Variants in TENM4 observed in about 807,000 individuals in gnomAD.
TENM4 encodes the protein teneurin transmembrane protein 4.
TENM4 carries 82 observed loss-of-function variants against 243.3 expected under a neutral mutation model. The observed-to-expected ratio is 0.34, with a 90% CI of 0.28 to 0.40. TENM4 has a LOEUF of 0.40. TENM4 is among the 10% of genes least tolerant of loss of function. The pLI, the probability that TENM4 is intolerant of heterozygous loss-of-function variation, is 1.00. For missense variants in TENM4, 3,138 were observed against 3,673.3 expected, an observed-to-expected ratio of 0.85 and a Z score of 3.77; for synonymous variants, 1,412 against 1,456.3, an observed-to-expected ratio of 0.97 and a Z score of 0.69.
intron 15 of TENM4, among the ~76,000 whole-genome samples, chr11:78,798,802 C>G (rs951207707): frequency 6.6e-6 from 1 of 152,100 alleles, no homozygotes; most frequent in African/African-American, 2.4e-5. Flanking sequence ...CAGGGTCTGG[C>G]TCACAGATCT....
At chr11:78,877,396 A>G (rs11237644) in intron 9 of TENM4, among the ~76,000 whole-genome samples, 76,970 of 152,178 alleles carry the variant, frequency 0.51, 23,597 homozygotes, top group East Asian at 0.78. Flanking sequence ...ACTCAGTGCA[A>G]GAATAGCCAT....
At chr11:79,402,883 G>T (rs1858491040) in intron 1 of TENM4, among the ~76,000 whole-genome samples, 1 of 152,188 alleles carries the variant, frequency 6.6e-6, no homozygotes, top group East Asian at 1.9e-4. Flanking sequence ...GCTCATAGTA[G>T]GTACTCAATA....
chr11:79,184,576 C>G (rs1863349472), intron 3 of TENM4, among the ~76,000 whole-genome samples: 1 of 151,776 alleles, frequency 6.6e-6, no homozygotes, highest in Non-Finnish European at 1.5e-5. Context: ...GGTGGGAACT[C>G]CTAACCCAGG....
chr11:79,405,847 C>CAAAAA (rs763128589), intron 1 of TENM4, among the ~76,000 whole-genome samples: 14 of 69,226 alleles, frequency 2.0e-4, no homozygotes, highest in East Asian at 9.6e-4. Flanking sequence ...ATTGTGATTT[C>CAAAAA]AAAAAAAAAA....
chr11:79,257,074 G>A (rs1855713339), intron 2 of TENM4, among the ~76,000 whole-genome samples: 1 of 152,132 alleles, frequency 6.6e-6, no homozygotes, highest in African/African-American at 2.4e-5. Context: ...GAAGGCAGGA[G>A]CATTCCAGGC....
At chr11:78,691,662 A>T (rs75240665) in intron 28 of TENM4, among the ~76,000 whole-genome samples, 1,921 of 152,312 alleles carry the variant, frequency 0.013, 59 homozygotes, top group African/African-American at 0.045. Context: ...AATTACATTG[A>T]TCCTAAAGAA....
intron 1 of TENM4, among the ~76,000 whole-genome samples, chr11:79,298,117 C>T (rs968420896): frequency 6.6e-6 from 1 of 152,050 alleles, no homozygotes; most frequent in Non-Finnish European, 1.5e-5. Context: ...TCAGTTTCTC[C>T]AAGGCCTTTC....
At chr11:79,361,055 G>A (rs1048357306) in intron 1 of TENM4, among the ~76,000 whole-genome samples, 1 of 152,180 alleles carries the variant, frequency 6.6e-6, no homozygotes, top group Non-Finnish European at 1.5e-5. Context: ...GATGCTGGTA[G>A]CATTGGCCTT....
intron 7 of TENM4, among the ~76,000 whole-genome samples, chr11:78,902,081 G>A (rs911648946): frequency 6.6e-6 from 1 of 152,152 alleles, no homozygotes; most frequent in Non-Finnish European, 1.5e-5. Flanking sequence ...AAGAACAGGA[G>A]TTTGGGGAAA....
intron 1 of TENM4, among the ~76,000 whole-genome samples, chr11:79,354,876 A>T (rs1167239772): frequency 6.6e-6 from 1 of 152,228 alleles, no homozygotes; most frequent in Non-Finnish European, 1.5e-5. Context: ...TGAATAAAAT[A>T]ATATTCTATG....
At chr11:78,891,172 T>A in intron 8 of TENM4, 66 bp downstream of exon 8, 2 of 1,436,508 alleles carry the variant, frequency 1.4e-6, no homozygotes, top group Non-Finnish European at 1.9e-6. Flanking sequence ...GGTCTCAGGG[T>A]CTGCATGCAA....
intron 12 of TENM4, among the ~76,000 whole-genome samples, chr11:78,825,301 G>C (rs1187146734): frequency 1.3e-5 from 2 of 152,144 alleles, no homozygotes; most frequent in Non-Finnish European, 2.9e-5. Context: ...ACACAGTTGT[G>C]AAAAATAAAA....
intron 3 of TENM4, among the ~76,000 whole-genome samples, chr11:79,207,865 C>CAAAA (rs569705318): frequency 1.5e-5 from 1 of 66,662 alleles, no homozygotes; most frequent in African/African-American, 6.0e-5. Flanking sequence ...GACTCTGTCT[C>CAAAA]AAAAAAAAAA....
At chr11:78,805,611 A>G in intron 14 of TENM4, 119 bp from the exon 15 acceptor site, 3 of 1,220,082 alleles carry the variant, frequency 2.5e-6, no homozygotes, top group Non-Finnish European at 3.5e-6. Flanking sequence ...AGAAGGATGC[A>G]TAGGTCACTT....
chr11:78,867,060 G>C (rs1327481330), intron 9 of TENM4, among the ~76,000 whole-genome samples: 1 of 152,074 alleles, frequency 6.6e-6, no homozygotes, highest in African/African-American at 2.4e-5. Flanking sequence ...TGGAAAATGG[G>C]GTATCCATCC....
chr11:79,181,129 A>T (rs1419284777), intron 3 of TENM4, among the ~76,000 whole-genome samples: 1 of 152,110 alleles, frequency 6.6e-6, no homozygotes, highest in East Asian at 1.9e-4. Flanking sequence ...ACCAGCAAAG[A>T]CATTACAAGA....
chr11:79,183,566 T>C (rs1863325352), intron 3 of TENM4, among the ~76,000 whole-genome samples: 1 of 152,306 alleles, frequency 6.6e-6, no homozygotes, highest in Non-Finnish European at 1.5e-5. Flanking sequence ...TAATGATGTG[T>C]CAATGTAGGT....
chr11:78,778,544 A>G (rs981392644), intron 17 of TENM4, 58 bp downstream of exon 17: 19 of 1,543,104 alleles, frequency 1.2e-5, no homozygotes, highest in Non-Finnish European at 1.6e-5. Context: ...CTTCTTTTAT[A>G]CTCATACACA....
At chr11:79,255,184 T>A (rs1855679888) in intron 2 of TENM4, among the ~76,000 whole-genome samples, 1 of 152,218 alleles carries the variant, frequency 6.6e-6, no homozygotes. Flanking sequence ...TATTTTTCCA[T>A]CTCAAGTGTC....
Sources: gnomAD v4.1 joint callset for allele counts (sites outside exome capture counted in the v4.1 genomes callset) on GRCh38, gnomAD v4.1.1 for gene constraint, MANE v1.5 for transcripts, NCBI Gene and HGNC (gene_info 2026-07-23, HGNC 2026-07-21) for gene names.